The following ANO2 variants were observed in gnomAD, a reference collection of about 807,000 sequenced individuals.
ANO2 encodes anoctamin 2, also known as anoctamin-2.
ANO2 carries 101 observed loss-of-function variants against 124.2 expected under a neutral mutation model. The ratio of observed to expected loss-of-function variants is 0.81; its 90% confidence interval spans 0.69 to 0.96. The LOEUF is 0.96. Ranked by LOEUF, ANO2 falls within the 40% of genes least tolerant of loss-of-function variation. The probability of loss-of-function intolerance (pLI) is 0.00; values close to 1 mark genes in which losing one functional copy is unlikely to be tolerated. For missense variants in ANO2, 1,293 were observed against 1,274.5 expected (o/e 1.01, Z -0.22); for synonymous variants, 486 against 482.5 (o/e 1.01, Z -0.09).
chr12:5,622,523 G>A (rs1406270936), intron 16 of ANO2, among the ~76,000 whole-genome samples: 3 of 152,176 alleles, frequency 2.0e-5, no homozygotes, highest in Non-Finnish European at 4.4e-5. Context: ...TCTGGGAAAG[G>A]GGCCTCAGGG....
intron 14 of ANO2, among the ~76,000 whole-genome samples, chr12:5,650,326 C>G (rs1946857039): frequency 6.6e-6 from 1 of 152,174 alleles, no homozygotes; most frequent in Non-Finnish European, 1.5e-5. Context: ...AATGTCCTCT[C>G]AAAGCAACTT....
chr12:5,747,326 C>CCTTA (rs1951297777), intron 11 of ANO2, among the ~76,000 whole-genome samples: 1 of 152,042 alleles, frequency 6.6e-6, no homozygotes, highest in Admixed American at 6.5e-5. Flanking sequence ...AGACACAAAC[C>CCTTA]CTTAGAGTAT....
At chr12:5,566,726 A>G (rs534727984) in intron 23 of ANO2, among the ~76,000 whole-genome samples, 2 of 152,316 alleles carry the variant, frequency 1.3e-5, no homozygotes, top group African/African-American at 4.8e-5. Flanking sequence ...TTGTTACCCC[A>G]GCATAACACA....
At chr12:5,909,165 C>T (rs1940885029) in intron 3 of ANO2, among the ~76,000 whole-genome samples, 1 of 152,164 alleles carries the variant, frequency 6.6e-6, no homozygotes, top group African/African-American at 2.4e-5. Context: ...GAAAAACCCA[C>T]AACCCAAACT....
chr12:5,932,784 G>A (rs1180943111), intron 1 of ANO2, among the ~76,000 whole-genome samples: 2 of 151,996 alleles, frequency 1.3e-5, no homozygotes, highest in Non-Finnish European at 2.9e-5. Context: ...CTCCAGAATG[G>A]GAGGAGAGTC....
At chr12:5,742,257 C>G (rs906567872) in intron 12 of ANO2, among the ~76,000 whole-genome samples, 1 of 152,190 alleles carries the variant, frequency 6.6e-6, no homozygotes, top group African/African-American at 2.4e-5. Flanking sequence ...TCATAATAAT[C>G]ATGGTAATGA....
chr12:5,795,794 C>A (rs1238534049), intron 10 of ANO2, among the ~76,000 whole-genome samples: 1 of 152,106 alleles, frequency 6.6e-6, no homozygotes, highest in East Asian at 1.9e-4. Context: ...TTGGGTCAGA[C>A]CTGTACAAAT....
At chr12:5,775,761 T>A (rs1285216496) in intron 10 of ANO2, among the ~76,000 whole-genome samples, 1 of 152,128 alleles carries the variant, frequency 6.6e-6, no homozygotes, top group Non-Finnish European at 1.5e-5. Context: ...GTCAGAACAA[T>A]TTTCTCCTTC....
At chr12:5,891,904 T>C (rs4764563) in intron 3 of ANO2, among the ~76,000 whole-genome samples, 88,792 of 151,948 alleles carry the variant, frequency 0.58, 27,135 homozygotes, top group Non-Finnish European at 0.67. Context: ...TTAAAATTAC[T>C]GAACATACAA....
chr12:5,895,967 A>G (rs1384956025), intron 3 of ANO2, among the ~76,000 whole-genome samples: 1 of 152,164 alleles, frequency 6.6e-6, no homozygotes, highest in Non-Finnish European at 1.5e-5. Flanking sequence ...AAGGAATGAA[A>G]TAATTTATTT....
chr12:5,794,816 G>A (rs1258193239), intron 10 of ANO2, among the ~76,000 whole-genome samples: 2 of 152,176 alleles, frequency 1.3e-5, no homozygotes, highest in East Asian at 1.9e-4. Context: ...GTATTGTGTC[G>A]AGCTGAATTG....
At position 5,904,122 on chromosome 12, in the gene ANO2, G is replaced by C. The variant is rs751962937; in HGVS notation, c.534+16918C>G. Among the ~76,000 whole-genome samples the C allele has an allele frequency of 2.6e-5, 4 of 152,144 alleles. No individual in the cohort carries two copies. Among genetic ancestry groups the C allele is most frequent in the Non-Finnish European group, 4.4e-5 (3 of 68,034 alleles). ...TCATCCCAGAGCAATGCAGGCCTCT[G>C]TGCTTGAAGAGTGTTCCAGCCCAAA... On this transcript the variant is annotated intron_variant, in intron 3 of 24. Transcript: ENST00000682330. This position sits in a 1 kb window ranked among gnomAD's most constrained non-coding sequence, Gnocchi z 4.1.
chr12:5,862,461 T>G lies in ANO2; in HGVS notation c.535-8320A>C, dbSNP rs953749204. On this transcript the variant is annotated intron_variant, in intron 3 of 24. Coordinates refer to ENST00000682330, the MANE Select transcript of ANO2 (RefSeq NM_001364791.2). The surrounding 1 kb of genome is among the most constrained non-coding windows in gnomAD (Gnocchi z 4.0). The stretch of plus-strand genomic sequence containing the variant: ...GGACAGACACGCAGAACGGGTGATC[T>G]CTGGACCTATCACCACAGTCTCCAC... Among the ~76,000 whole-genome samples, 26 of 152,214 alleles carry G rather than the reference T, an allele frequency of 1.7e-4. No homozygotes were observed. Among genetic ancestry groups the G allele is most frequent in the African/African-American group, 6.3e-4 (26 of 41,452 alleles).
intron 14 of ANO2, among the ~76,000 whole-genome samples, chr12:5,723,035 C>T (rs1167140834): frequency 6.6e-6 from 1 of 152,242 alleles, no homozygotes; most frequent in Non-Finnish European, 1.5e-5. Flanking sequence ...CAAACTCCAA[C>T]ACACTGTGGG....
At chr12:5,868,848 GCGGCTCTGCAAACAGCAC>G (rs1565736380) in intron 3 of ANO2, among the ~76,000 whole-genome samples, 10 of 152,298 alleles carry the variant, frequency 6.6e-5, no homozygotes, top group African/African-American at 2.4e-4. Context: ...AACAAACTGG[GCGGCTCTGCAAACAGCAC>G]CAGAGAGGAC....
rs143585794 is a variant in ANO2 at position 5,590,213 on chromosome 12, AT to A, written c.2233+9270del. Among the ~76,000 whole-genome samples the A allele has an allele frequency of 1.4e-4, 21 of 151,492 alleles. No individual in the cohort carries two copies. The East Asian group carries it at 3.7e-3, about 27-fold the overall frequency. On this transcript the variant is annotated intron_variant, in intron 20 of 24. Coordinates refer to ENST00000682330, the MANE Select transcript of ANO2 (RefSeq NM_001364791.2). ...GTAAACTTTCTTAAAACATTATGAG[AT>A]TTTTTTTTGCTCATCAGCTATCATT...
At chr12:5,575,413 G>A (rs976856779) in intron 23 of ANO2, among the ~76,000 whole-genome samples, 3 of 152,198 alleles carry the variant, frequency 2.0e-5, no homozygotes, top group Non-Finnish European at 2.9e-5. Flanking sequence ...GGAGAATGAT[G>A]TACAGTCGTG....
At chr12:5,942,626 A>T (rs1210647451) in intron 1 of ANO2, among the ~76,000 whole-genome samples, 1 of 151,530 alleles carries the variant, frequency 6.6e-6, no homozygotes, top group African/African-American at 2.4e-5. Flanking sequence ...TAGCTTCCCC[A>T]CAGGGGAAGC....
intron 7 of ANO2, among the ~76,000 whole-genome samples, chr12:5,812,745 G>A (rs1953464155): frequency 2.1e-5 from 1 of 48,206 alleles, no homozygotes; most frequent in Admixed American, 2.4e-4. Flanking sequence ...AAGAGGGAAG[G>A]GAGGAGGGGA....
Sources: allele counts gnomAD v4.1 joint callset (sites outside exome capture counted in the v4.1 genomes callset), GRCh38; gene constraint gnomAD v4.1.1; non-coding constraint Gnocchi (gnomAD v3.1); transcripts MANE v1.5; gene names NCBI Gene and HGNC (gene_info 2026-07-23, HGNC 2026-07-21).